Variants in SS18 observed in about 807,000 individuals in gnomAD.
The protein encoded by SS18 is SS18 subunit of BAF chromatin remodeling complex, also known as protein SSXT.
In SS18, 28 loss-of-function variants were observed where a neutral mutation model predicts 72.5. That is an observed-to-expected ratio of 0.39 (90% CI 0.29 to 0.53). SS18 has a LOEUF of 0.53. SS18 is among the 20% of genes least tolerant of loss of function. The pLI, the probability that SS18 is intolerant of heterozygous loss-of-function variation, is 0.76. For synonymous variants in SS18, 172 were observed against 164.2 expected (o/e 1.05, Z -0.37); for missense variants, 518 against 535.3 (o/e 0.97, Z 0.32).
rs1555651148 is a variant in SS18, at chr18:26,065,800, C to CATATATATATATATATATA, written c.232-8077_232-8059dup. Among the ~76,000 whole-genome samples the CATATATATATATATATATA allele has an allele frequency of 3.8e-4, 21 of 55,578 alleles. 1 individual carries two copies. Among genetic ancestry groups the CATATATATATATATATATA allele is most frequent in the African/African-American group, 1.0e-3 (21 of 20,896 alleles). The allele number at this position is 55,578 out of a possible 152,430, so 36.5% of individuals were successfully genotyped here. On this transcript the variant is annotated intron_variant, in intron 3 of 10. Coordinates refer to ENST00000415083, the MANE Select transcript of SS18 (RefSeq NM_001007559.3). The stretch of plus-strand genomic sequence containing the variant: ...AATATATAAAGAATGCCTACAAATC[C>CATATATATATATATATATA]ATATATATATATATATATATATATG...
At chr18:26,025,271 G>A (rs571334881) in intron 10 of SS18, among the ~76,000 whole-genome samples, 1 of 152,126 alleles carries the variant, frequency 6.6e-6, no homozygotes, top group East Asian at 1.9e-4. Flanking sequence ...TAGAAAGAAA[G>A]ACAGTTCTTA....
chr18:26,069,715 TTAAAA>T (rs1483799446), intron 3 of SS18, among the ~76,000 whole-genome samples: 2 of 152,172 alleles, frequency 1.3e-5, no homozygotes, highest in Non-Finnish European at 2.9e-5. Flanking sequence ...ACTGTGAGCC[TTAAAA>T]TGAACTACCA....
At chr18:26,090,363 G>C (rs1308382522) in intron 1 of SS18, 138 bp downstream of exon 1, 3 of 810,320 alleles carry the variant, frequency 3.7e-6, no homozygotes, top group African/African-American at 3.5e-5. Context: ...CCAGCAGTCC[G>C]TGTTCCCAAA....
At chr18:26,021,604 C>A (rs993125552) in intron 10 of SS18, among the ~76,000 whole-genome samples, 13 of 152,012 alleles carry the variant, frequency 8.6e-5, no homozygotes, top group Non-Finnish European at 1.9e-4. Flanking sequence ...GATCCTACTG[C>A]GATGAAGACA....
At chr18:26,036,101 C>T (rs572531444) in intron 7 of SS18, among the ~76,000 whole-genome samples, 178 bp from the exon 8 acceptor site, 3 of 151,742 alleles carry the variant, frequency 2.0e-5, no homozygotes, top group African/African-American at 4.8e-5. Context: ...ATTGAGATAA[C>T]GTGCAAATTT....
chr18:26,051,255 TGTAC>T (rs1437986427), intron 5 of SS18, among the ~76,000 whole-genome samples: 1 of 151,574 alleles, frequency 6.6e-6, no homozygotes, highest in African/African-American at 2.4e-5. Flanking sequence ...ATATAACTAC[TGTAC>T]TATAGTAAAA....
rs942251958 is a variant in SS18, at chr18:26,090,582, A to C, written c.-13T>G. The C allele has an allele frequency of 6.4e-7, 1 of 1,573,202 alleles. No individual in the cohort carries two copies. The highest frequency in any genetic ancestry group is 8.6e-7 in the Non-Finnish European group (1 of 1,159,842). Reference sequence around the variant, plus strand: ...AAGCCACAGACATGTTGCCGCCGTCACCACTATCGGCAAGTCCCGAGCGCT... The same window carrying C: ...AAGCCACAGACATGTTGCCGCCGTCCCCACTATCGGCAAGTCCCGAGCGCT... On this transcript the variant is annotated 5_prime_UTR_variant, in exon 1 of 11. Coordinates refer to ENST00000415083, the MANE Select transcript of SS18 (RefSeq NM_001007559.3).
intron 2 of SS18, chr18:26,078,465 G>A (rs995887191): frequency 9.1e-6 from 2 of 219,690 alleles, no homozygotes; most frequent in African/African-American, 2.3e-5. Context: ...AGAAACTAAT[G>A]TTTAGAGAGG....
At chr18:26,056,612 C>T (rs1268315142) in intron 4 of SS18, among the ~76,000 whole-genome samples, 2 of 151,562 alleles carry the variant, frequency 1.3e-5, no homozygotes, top group South Asian at 4.1e-4. Flanking sequence ...TTACTGCACC[C>T]ATCATCCTTG....
chr18:26,063,370 T>C (rs2054158396), intron 3 of SS18, among the ~76,000 whole-genome samples: 1 of 151,950 alleles, frequency 6.6e-6, no homozygotes, highest in African/African-American at 2.4e-5. Context: ...ATACAAAAAA[T>C]TAGCCAGGCG....
At chr18:26,043,211 T>G (rs2053760226) in intron 5 of SS18, among the ~76,000 whole-genome samples, 1 of 152,176 alleles carries the variant, frequency 6.6e-6, no homozygotes, top group South Asian at 2.1e-4. Flanking sequence ...GCATAGCTAC[T>G]AAATGGTCCA....
At chr18:26,049,531 T>C (rs1364373743) in intron 5 of SS18, among the ~76,000 whole-genome samples, 2 of 152,158 alleles carry the variant, frequency 1.3e-5, no homozygotes, top group South Asian at 2.1e-4. Flanking sequence ...TTTGTTTTTT[T>C]AGAGACGGTC....
chr18:26,080,033 G>A (rs2144150566), intron 2 of SS18, among the ~76,000 whole-genome samples: 1 of 151,310 alleles, frequency 6.6e-6, no homozygotes, highest in Non-Finnish European at 1.5e-5. Context: ...TTAATGCTTT[G>A]CGTCACATGG....
intron 9 of SS18, among the ~76,000 whole-genome samples, chr18:26,034,040 A>G (rs563345171): frequency 6.6e-6 from 1 of 152,330 alleles, no homozygotes; most frequent in East Asian, 1.9e-4. Flanking sequence ...ATATTTCTAA[A>G]GTCACATCTA....
chr18:26,044,564 T>G (rs1271007364), intron 5 of SS18, among the ~76,000 whole-genome samples: 1 of 151,878 alleles, frequency 6.6e-6, no homozygotes, highest in Non-Finnish European at 1.5e-5. Context: ...CCTCAGGTGA[T>G]CCACCCACCT....
At chr18:26,027,703 A>G (rs9947846) in intron 10 of SS18, among the ~76,000 whole-genome samples, 3 of 124,716 alleles carry the variant, frequency 2.4e-5, no homozygotes, top group African/African-American at 1.1e-4. Flanking sequence ...AAAAAAAAAA[A>G]AGTCTTTTCA....
intron 5 of SS18, among the ~76,000 whole-genome samples, chr18:26,048,309 AT>A (rs542394033): frequency 1.6e-4 from 24 of 152,322 alleles, no homozygotes; most frequent in Non-Finnish European, 2.6e-4. Flanking sequence ...CTACAAAGAC[AT>A]TTTTTCCAGA....
intron 9 of SS18, among the ~76,000 whole-genome samples, chr18:26,034,262 C>G (rs959492931): frequency 6.6e-6 from 1 of 151,908 alleles, no homozygotes; most frequent in Non-Finnish European, 1.5e-5. Context: ...TGAAAGAGAC[C>G]CTGTTAGGAA....
intron 3 of SS18, among the ~76,000 whole-genome samples, chr18:26,059,250 T>G (rs1022994007): frequency 5.9e-5 from 9 of 152,186 alleles, no homozygotes; most frequent in Non-Finnish European, 7.3e-5. Context: ...GGGCTACAAC[T>G]CCTGAAAGAA....
Sources: gnomAD v4.1 joint callset for allele counts (sites outside exome capture counted in the v4.1 genomes callset) on GRCh38, gnomAD v4.1.1 for gene constraint, MANE v1.5 for transcripts, NCBI Gene and HGNC (gene_info 2026-07-23, HGNC 2026-07-21) for gene names.